The following PARP15 variants were observed in gnomAD, a reference collection of about 807,000 sequenced individuals.
PARP15 encodes the protein poly(ADP-ribose) polymerase family member 15.
In PARP15, 50 loss-of-function variants were observed where a neutral mutation model predicts 62.1. The ratio of observed to expected loss-of-function variants is 0.81; its 90% CI spans 0.64 to 1.02. The LOEUF is 1.02. Ranked by LOEUF, PARP15 falls within the 50% of genes least tolerant of loss-of-function variation. The probability of loss-of-function intolerance (pLI) is 0.00; values close to 1 mark genes in which losing one functional copy is unlikely to be tolerated. For missense variants in PARP15, 820 were observed against 826.5 expected (o/e 0.99, Z 0.10); for synonymous variants, 309 against 293.1 (o/e 1.05, Z -0.55).
intron 1 of PARP15, among the ~76,000 whole-genome samples, chr3:122,599,527 T>TCTTTCCTTTC (rs79952349): frequency 1.2e-4 from 18 of 147,772 alleles, no homozygotes; most frequent in Admixed American, 3.4e-4. Flanking sequence ...TTTTTTCTTT[T>TCTTTCCTTTC]CTTTCCTTTC....
intron 1 of PARP15, among the ~76,000 whole-genome samples, chr3:122,599,465 C>T (rs1934617922): frequency 6.6e-6 from 1 of 151,672 alleles, no homozygotes; most frequent in Non-Finnish European, 1.5e-5. Context: ...CTGATTCTCT[C>T]TCTCTCCCCT....
intron 8 of PARP15, among the ~76,000 whole-genome samples, chr3:122,626,157 C>A (rs1358009454): frequency 6.7e-6 from 1 of 149,502 alleles, no homozygotes; most frequent in Non-Finnish European, 1.5e-5. Context: ...AGGATGCATT[C>A]TGGCTAAATG....
chr3:122,632,062 T>G, intron 9 of PARP15, 24 bp from the exon 10 acceptor site: 1 of 1,613,884 alleles, frequency 6.2e-7, no homozygotes, highest in Non-Finnish European at 8.5e-7. Context: ...AATGTTGTGT[T>G]TTGACCAAAT....
intron 2 of PARP15, among the ~76,000 whole-genome samples, chr3:122,607,426 T>C (rs1935229594): frequency 6.6e-6 from 1 of 152,210 alleles, no homozygotes; most frequent in African/African-American, 2.4e-5. Context: ...CTCAGAGTTC[T>C]TATCTATAAA....
At chr3:122,626,755 A>C in intron 8 of PARP15, 72 bp from the exon 9 acceptor site, 1 of 1,387,014 alleles carries the variant, frequency 7.2e-7, no homozygotes, top group Non-Finnish European at 1.0e-6. Flanking sequence ...AGCACTGAGA[A>C]CTGGATTTGC....
chr3:122,628,595 C>T (rs1936877918), intron 9 of PARP15, among the ~76,000 whole-genome samples: 4 of 152,022 alleles, frequency 2.6e-5, no homozygotes, highest in African/African-American at 7.2e-5. Flanking sequence ...TTGCTTTCAT[C>T]GAGATTTTAA....
At chr3:122,624,020 G>A (rs1039000148) in intron 8 of PARP15, among the ~76,000 whole-genome samples, 2 of 152,002 alleles carry the variant, frequency 1.3e-5, no homozygotes, top group African/African-American at 2.4e-5. Flanking sequence ...GCGTGGTGGC[G>A]GACACCTCTA....
intron 10 of PARP15, among the ~76,000 whole-genome samples, chr3:122,632,991 G>A (rs1007237476): frequency 1.3e-5 from 2 of 152,138 alleles, no homozygotes; most frequent in African/African-American, 4.8e-5. Flanking sequence ...GGTTTATCAC[G>A]AGGTCATTAT....
In PARP15 at chr3:122,636,978, G is replaced by C. The variant is rs1276042669; in HGVS notation, c.*878G>C. ...GCTTACTCCAGAGTGAGCAACTCAA[G>C]AGAGAGCAAGGCAGAAGCTACCAAA... On this transcript the variant is annotated 3_prime_UTR_variant, in exon 12 of 12. Transcript: ENST00000464300. 6.6e-5 allele frequency: 10 copies of C among 152,166 alleles called. No individual in the cohort carries two copies. The highest frequency in any genetic ancestry group is 6.5e-4 in the Admixed American group (10 of 15,274). The allele number at this position is 152,166 out of a possible 1,614,324, so 9.4% of individuals were successfully genotyped here.
In PARP15 at chr3:122,635,797, C is replaced by A. The variant is rs1189078424; in HGVS notation, c.1748-14C>A. 1 of 1,599,760 alleles carries A rather than the reference C, an allele frequency of 6.3e-7. No individual in the cohort carries two copies. Among genetic ancestry groups the A allele is most frequent in the South Asian group, 1.1e-5 (1 of 89,840 alleles). ...TTTATATTCTTAGGAAGGTTTTTGT[C>A]TTTCTCTTTCCAGCTGTATCCTATG... On this transcript the variant is annotated splice_polypyrimidine_tract_variant and intron_variant, in intron 11 of 11. Coordinates refer to ENST00000464300, the MANE Select transcript of PARP15 (RefSeq NM_001113523.3).
At chr3:122,587,573 G>C (rs6786185) in intron 1 of PARP15, among the ~76,000 whole-genome samples, 142,784 of 152,264 alleles carry the variant, frequency 0.94, 67,086 homozygotes, top group Non-Finnish European at 0.97. Context: ...GCTCTGTCCC[G>C]CAGGCTGGAG....
At chr3:122,586,368 A>C (rs1289502123) in intron 1 of PARP15, among the ~76,000 whole-genome samples, 2 of 152,040 alleles carry the variant, frequency 1.3e-5, no homozygotes, top group Admixed American at 6.6e-5. Flanking sequence ...CACCATGCCC[A>C]GCTAATTTTT....
intron 8 of PARP15, among the ~76,000 whole-genome samples, chr3:122,622,479 C>T (rs1396384714): frequency 2.0e-5 from 3 of 152,174 alleles, no homozygotes; most frequent in Non-Finnish European, 4.4e-5. Context: ...AATCTTCTTC[C>T]AGAGAGTTGT....
Position 122,577,805 on chromosome 3 carries a change from G to C in PARP15, c.138G>C (p.Gly46=), listed in dbSNP as rs999861956. ...AGGCGGGGAGCGTGCTGCCGGCCGG[G>C]AACCGTGGGGCGCGGAAGGCCTCCC... ...DREAGSVLPA[G]NRGARKASRR... The change falls in exon 1 of 12, where the codon GGG becomes GGC. Residue 46 remains glycine (G), a synonymous_variant. Coordinates refer to ENST00000464300, the MANE Select transcript of PARP15 (RefSeq NM_001113523.3). 3 of 1,550,818 alleles carry C rather than the reference G, an allele frequency of 1.9e-6. No individual in the cohort carries two copies. Among genetic ancestry groups the C allele is most frequent in the Non-Finnish European group, 2.6e-6 (3 of 1,146,616 alleles).
chr3:122,629,037 G>A (rs905454850), intron 9 of PARP15, among the ~76,000 whole-genome samples: 2 of 152,234 alleles, frequency 1.3e-5, no homozygotes, highest in Admixed American at 6.5e-5. Flanking sequence ...TCAGATATTA[G>A]AAATATAGAT....
chr3:122,636,085 AACTTTCAC>A lies in PARP15; in HGVS notation c.2023_2030del (p.Thr675GlyfsTer11). 6.2e-7 allele frequency: 1 copy of A among 1,610,582 alleles called. No homozygotes were observed. ...ATCAGGCTTACCCAGAATATCTCAT[AACTTTCAC>A]GGCTTAAAAATATTTTTATCATCAA... On this transcript the variant is annotated frameshift_variant, in exon 12 of 12. Coordinates refer to ENST00000464300, the MANE Select transcript of PARP15 (RefSeq NM_001113523.3). LOFTEE classifies it high-confidence loss of function.
At chr3:122,628,396 T>C (rs1368981010) in intron 9 of PARP15, among the ~76,000 whole-genome samples, 1 of 152,164 alleles carries the variant, frequency 6.6e-6, no homozygotes, top group Non-Finnish European at 1.5e-5. Context: ...AGAAAGCTTT[T>C]ACCAGAAGAG....
chr3:122,600,825 A>G (rs1341350659), intron 1 of PARP15, among the ~76,000 whole-genome samples: 1 of 150,182 alleles, frequency 6.7e-6, no homozygotes, highest in Non-Finnish European at 1.5e-5. Flanking sequence ...CTTTGTTTTT[A>G]GAGTAGTTTT....
At chr3:122,619,523 A>T (rs1936200997) in intron 6 of PARP15, among the ~76,000 whole-genome samples, 1 of 152,204 alleles carries the variant, frequency 6.6e-6, no homozygotes, top group Admixed American at 6.5e-5. Context: ...ATAACTGCAA[A>T]AACAGTCCTG....
Sources: allele counts gnomAD v4.1 joint callset (sites outside exome capture counted in the v4.1 genomes callset), GRCh38; gene constraint gnomAD v4.1.1; transcripts MANE v1.5; gene names NCBI Gene and HGNC (gene_info 2026-07-23, HGNC 2026-07-21).